Variants in NBPF14 observed in about 807,000 individuals in gnomAD.
NBPF14 encodes the protein NBPF family member NBPF14.
In NBPF14, 104 loss-of-function variants were observed where a neutral mutation model predicts 91.2. The observed-to-expected ratio is 1.14, with a 90% CI of 0.97 to 1.34. NBPF14 has a LOEUF of 1.34. NBPF14 is among the 40% of genes most tolerant of loss of function. The pLI, the probability that NBPF14 is intolerant of heterozygous loss-of-function variation, is 0.00. For missense variants in NBPF14, 908 were observed against 783.0 expected (o/e 1.16, Z -1.91); for synonymous variants, 294 against 303.8 (o/e 0.97, Z 0.34).
chr1:148,590,287 G>C (rs1662269724), intron 6 of NBPF14, among the ~76,000 whole-genome samples: 1 of 140,178 alleles, frequency 7.1e-6, no homozygotes, highest in African/African-American at 2.6e-5. Flanking sequence ...TCAATCTCCT[G>C]ACCTCATGAT....
intron 70 of NBPF14, 80 bp downstream of exon 70, chr1:148,533,781 C>G: frequency 3.9e-6 from 3 of 763,988 alleles, no homozygotes; most frequent in East Asian, 2.4e-5. Flanking sequence ...AATATGACAT[C>G]AAACACACTC....
At chr1:148,566,455 C>G (rs1318815427) in intron 28 of NBPF14, 140 bp from the exon 29 acceptor site, 7 of 597,158 alleles carry the variant, frequency 1.2e-5, no homozygotes, top group Admixed American at 8.8e-5. Flanking sequence ...AAATTGTTGC[C>G]TTCATGTTGG....
At position 148,595,598 on chromosome 1, in the gene NBPF14, C is replaced by G; in HGVS notation, c.120G>C (p.Glu40Asp). The G allele has an allele frequency of 3.2e-6, 5 of 1,578,186 alleles. 2 individuals are homozygous for G. Among genetic ancestry groups the G allele is most frequent in the South Asian group, 1.1e-5 (1 of 89,174 alleles). ...CGGCCAGTTGAGTTAGAAAACATTT[C>G]TCTTTGAGGTTTCTGAACTGCTGTT... The change falls in exon 2 of 71, where the codon GAG becomes GAC. Residue 40 changes from glutamate (E) to aspartate (D), a missense_variant. Glu to Asp is a conservative substitution (Grantham distance 45). Transcript: ENST00000619423.
exon 37 of NBPF14, chr1:148,559,894 G>A (rs1657404074): frequency 7.8e-7 from 1 of 1,287,838 alleles, no homozygotes; most frequent in Non-Finnish European, 1.1e-6. Flanking sequence ...ACCTGAAGGA[G>A]TTGAATAACA....
At chr1:148,534,762 G>A (rs1210315416) in exon 69 of NBPF14, 15 of 823,220 alleles carry the variant, frequency 1.8e-5, no homozygotes, top group Non-Finnish European at 3.0e-5. Flanking sequence ...CCTAAGTCAG[G>A]CAGTTCAAGA....
intron 68 of NBPF14, 89 bp downstream of exon 68, chr1:148,535,364 C>T (rs1224614781): frequency 3.5e-6 from 2 of 566,696 alleles, no homozygotes; most frequent in African/African-American, 2.2e-5. Flanking sequence ...TCGCTGAAAA[C>T]ATGAAATTGA....
chr1:148,573,302 C>T, exon 20 of NBPF14: 3 of 6,150 alleles, frequency 4.9e-4, no homozygotes, highest in Admixed American at 1.6e-3. Flanking sequence ...TGATCTTCTT[C>T]CCCTTCTTTT....
intron 13 of NBPF14, among the ~76,000 whole-genome samples, chr1:148,578,514 AG>A (rs1660411341): frequency 1.1e-5 from 1 of 92,406 alleles, no homozygotes; most frequent in Non-Finnish European, 2.2e-5. Context: ...GTGGGTGAAA[AG>A]TCAGCCATTT....
exon 17 of NBPF14, chr1:148,575,746 T>C (rs1659580651): frequency 3.7e-6 from 1 of 269,848 alleles, no homozygotes; most frequent in Non-Finnish European, 6.4e-6. Context: ...AGGAGTCGAA[T>C]AACATCTATC....
intron 29 of NBPF14, among the ~76,000 whole-genome samples, chr1:148,565,826 A>T (rs1365414085): frequency 9.1e-5 from 1 of 10,990 alleles, no homozygotes; most frequent in Non-Finnish European, 1.8e-4. Flanking sequence ...AATTAGAGTG[A>T]AAAAGGAAAT....
At chr1:148,578,930 A>G (rs1449266083) in intron 13 of NBPF14, 144 bp downstream of exon 13, 95 of 688,862 alleles carry the variant, frequency 1.4e-4, no homozygotes, top group Non-Finnish European at 2.1e-4. Context: ...TTGACTCCAG[A>G]GTGACTGAAA....
chr1:148,568,918 C>T (rs1354282457), intron 25 of NBPF14, among the ~76,000 whole-genome samples: 1 of 148,582 alleles, frequency 6.7e-6, no homozygotes, highest in African/African-American at 2.5e-5. Context: ...ATTTTAGACG[C>T]TGAAATTAGA....
chr1:148,542,120 C>T (rs1655633641), intron 59 of NBPF14, among the ~76,000 whole-genome samples: 1 of 104,016 alleles, frequency 9.6e-6, no homozygotes, highest in African/African-American at 7.1e-5. Flanking sequence ...TTCCAATCAA[C>T]TTAAAGCATA....
chr1:148,595,255 C>T (rs1188185582), intron 2 of NBPF14, among the ~76,000 whole-genome samples: 1 of 147,964 alleles, frequency 6.8e-6, no homozygotes, highest in Admixed American at 6.7e-5. Context: ...TTCTTGAAAA[C>T]ACGATTGAGC....
At chr1:148,539,264 C>T (rs1476420410) in intron 63 of NBPF14, 146 bp downstream of exon 63, 3 of 615,634 alleles carry the variant, frequency 4.9e-6, no homozygotes, top group African/African-American at 5.7e-5. Context: ...ACTGAGACTA[C>T]AGTTTCTTTA....
At chr1:148,566,607 A>T (rs1318902631) in intron 28 of NBPF14, among the ~76,000 whole-genome samples, 1 of 141,748 alleles carries the variant, frequency 7.1e-6, no homozygotes, top group Admixed American at 7.0e-5. Context: ...ATGAGGGAGT[A>T]ACAGGACACT....
chr1:148,533,823 T>C (rs1200281143), intron 70 of NBPF14, 38 bp downstream of exon 70: 13 of 768,088 alleles, frequency 1.7e-5, no homozygotes, highest in South Asian at 2.7e-5. Context: ...CTCCAGGAGT[T>C]AACACAGAAC....
At chr1:148,587,660 GAGTCAGAATTCAC>G (rs1334923171) in intron 7 of NBPF14, among the ~76,000 whole-genome samples, 1 of 140,212 alleles carries the variant, frequency 7.1e-6, no homozygotes, top group Non-Finnish European at 1.6e-5. Flanking sequence ...CAACTAAGTG[GAGTCAGAATTCAC>G]AGTCCCTGAG....
Position 148,572,621 on chromosome 1 carries a change from A to G in NBPF14, c.2586-6T>C, listed in dbSNP as rs1309210964. The G allele has an allele frequency of 5.3e-6, 3 of 567,170 alleles. No homozygotes were observed. Among genetic ancestry groups the G allele is most frequent in the East Asian group, 5.8e-5 (2 of 34,664 alleles). The allele number at this position is 567,170 out of a possible 1,614,324, so 35.1% of individuals were successfully genotyped here. On this transcript the variant is annotated splice_region_variant and splice_polypyrimidine_tract_variant and intron_variant, in intron 20 of 70. Transcript: ENST00000619423. ...CCAGCAGCTCCCTGCTGAGCCTGGA[A>G]AAGTGGGAAAAAGTAAAGAATAAGC...
Sources: allele counts gnomAD v4.1 joint callset (sites outside exome capture counted in the v4.1 genomes callset), GRCh38; gene constraint gnomAD v4.1.1; transcripts MANE v1.5; gene names NCBI Gene and HGNC (gene_info 2026-07-23, HGNC 2026-07-21).